The following WDR27 variants were observed in gnomAD, a reference collection of about 807,000 sequenced individuals.
WDR27 encodes the protein WD repeat domain 27, also known as WD repeat-containing protein 27.
A neutral mutation model predicts 114.4 loss-of-function variants in WDR27; 100 were observed. The ratio of observed to expected loss-of-function variants is 0.87; its 90% CI spans 0.74 to 1.03. WDR27 has a LOEUF of 1.03. Ranked by LOEUF, WDR27 falls within the 50% of genes least tolerant of loss-of-function variation. WDR27 has a pLI of 0.00. For missense variants in WDR27, 1,129 were observed against 1,092.9 expected (o/e 1.03, Z -0.47); for synonymous variants, 449 against 423.1 (o/e 1.06, Z -0.75).
At chr6:169,436,117 T>C in the WDR27 span, among the ~76,000 whole-genome samples, 1 of 152,204 alleles carries the variant, frequency 6.6e-6, no homozygotes, top group East Asian at 1.9e-4. Flanking sequence ...ATAAAAGAGC[T>C]CTATCGGGTT....
intron 25 of WDR27, among the ~76,000 whole-genome samples, chr6:169,483,729 A>T (rs1459937629): frequency 6.6e-6 from 1 of 152,028 alleles, no homozygotes; most frequent in Non-Finnish European, 1.5e-5. Flanking sequence ...ACACACACAG[A>T]AAACTTCAGG....
At chr6:169,586,783 T>G (rs1804667236) in intron 23 of WDR27, among the ~76,000 whole-genome samples, 1 of 132,686 alleles carries the variant, frequency 7.5e-6, no homozygotes, top group Non-Finnish European at 1.6e-5. Flanking sequence ...CAGGAGGCAG[T>G]GGTTGCAGTG....
Position 169,458,231 on chromosome 6 carries a change from T to A in WDR27, c.2646-597A>T, listed in dbSNP as rs183838445. ...CACCCTCATGCACACCTTTCAAAAG[T>A]GGTCTCCATAGGGCCTGCAGAACCC... On this transcript the variant is annotated intron_variant, in intron 25 of 25. Transcript: ENST00000448612. Among the ~76,000 whole-genome samples, 26 of 152,282 alleles carry A rather than the reference T, an allele frequency of 1.7e-4. No individual in the cohort carries two copies. The East Asian group carries it at 5.0e-3, about 29-fold the overall frequency.
chr6:169,679,871 G>A (rs900067877), intron 2 of WDR27, among the ~76,000 whole-genome samples: 1 of 152,096 alleles, frequency 6.6e-6, no homozygotes, highest in Non-Finnish European at 1.5e-5. Context: ...CCAAAACATA[G>A]CATGATCAAA....
At chr6:169,604,324 A>C (rs1808668915) in intron 22 of WDR27, among the ~76,000 whole-genome samples, 1 of 152,184 alleles carries the variant, frequency 6.6e-6, no homozygotes, top group Non-Finnish European at 1.5e-5. Flanking sequence ...ATAATGAAAA[A>C]CTACACACTC....
At chr6:169,631,639 C>A (rs1277674101) in intron 21 of WDR27, among the ~76,000 whole-genome samples, 2 of 152,154 alleles carry the variant, frequency 1.3e-5, no homozygotes, top group African/African-American at 4.8e-5. Context: ...GCCATCCAGA[C>A]CGACATGCAG....
the WDR27 span, among the ~76,000 whole-genome samples, chr6:169,434,275 G>A: frequency 2.6e-5 from 4 of 152,156 alleles, no homozygotes; most frequent in East Asian, 1.9e-4. Flanking sequence ...TAAGGTGTAA[G>A]GAAGGGGTTC....
intron 21 of WDR27, among the ~76,000 whole-genome samples, chr6:169,622,744 A>T (rs1254182431): frequency 6.6e-6 from 1 of 152,220 alleles, no homozygotes; most frequent in Non-Finnish European, 1.5e-5. Flanking sequence ...TCGACACGGG[A>T]GAAGCGTCCC....
chr6:169,645,539 C>A lies in WDR27; in HGVS notation c.1658-1753G>T, dbSNP rs370648891. Among the ~76,000 whole-genome samples the A allele has an allele frequency of 2.3e-4, 31 of 136,694 alleles. No individual in the cohort carries two copies. In the South Asian group the frequency reaches 4.3e-3, roughly 19 times the overall value. 89.7% of individuals were successfully genotyped at this position (136,694 alleles called of 152,430 possible). On this transcript the variant is annotated intron_variant, in intron 16 of 25. Coordinates refer to ENST00000448612, the MANE Select transcript of WDR27 (RefSeq NM_182552.5). ...ACACTGTAGAAAATCCTAGTTCATA[C>A]GAGTCACACTGTAGAAATTCCTAGT...
intron 2 of WDR27, among the ~76,000 whole-genome samples, chr6:169,672,671 T>C (rs1779057726): frequency 6.6e-6 from 1 of 152,090 alleles, no homozygotes; most frequent in Non-Finnish European, 1.5e-5. Flanking sequence ...TAATCAAATA[T>C]AGAACATGTC....
At chr6:169,548,494 T>C (rs1238618114) in intron 25 of WDR27, among the ~76,000 whole-genome samples, 1 of 152,216 alleles carries the variant, frequency 6.6e-6, no homozygotes, top group Admixed American at 6.5e-5. Context: ...TTATAAAGTG[T>C]ATACATGTAT....
At chr6:169,450,180 C>T in the WDR27 span, among the ~76,000 whole-genome samples, 4 of 152,142 alleles carry the variant, frequency 2.6e-5, no homozygotes, top group Admixed American at 6.5e-5. Context: ...TCATGGGCAC[C>T]GCTCTGCTCT....
At chr6:169,576,789 GA>G (rs1326349160) in intron 24 of WDR27, among the ~76,000 whole-genome samples, 2 of 148,792 alleles carry the variant, frequency 1.3e-5, no homozygotes, top group Non-Finnish European at 3.0e-5. Context: ...GACAAGAAAA[GA>G]AAAAAAAGGA....
rs371219266 is a variant in WDR27, at chr6:169,651,182, GC to G, written c.1481+747del. Among the ~76,000 whole-genome samples the G allele has an allele frequency of 1.0e-3, 110 of 110,030 alleles. 18 individuals are homozygous for G. The highest frequency in any genetic ancestry group is 2.9e-3 in the Admixed American group (32 of 11,060). 72.2% of individuals were successfully genotyped at this position (110,030 alleles called of 152,430 possible). A position where few individuals can be genotyped will look rare whatever the true frequency, so the allele number is the denominator to read the frequency against. On this transcript the variant is annotated intron_variant, in intron 14 of 25. Transcript: ENST00000448612. Reference sequence around the variant, plus strand: ...TCTGCCTGGAGCACAGCAGTGCGGGGCGGGGGGGGGGAGTGGGGGAGTGGGG... The same window carrying G: ...TCTGCCTGGAGCACAGCAGTGCGGGGGGGGGGGGGGAGTGGGGGAGTGGGG...
At chr6:169,615,283 C>G (rs192932795) in intron 21 of WDR27, among the ~76,000 whole-genome samples, 22 of 152,172 alleles carry the variant, frequency 1.4e-4, no homozygotes, top group Admixed American at 1.2e-3. Flanking sequence ...TATAAGTAAA[C>G]TTGTGGCACA....
chr6:169,486,114 A>G (rs1303648790), intron 25 of WDR27, among the ~76,000 whole-genome samples: 1 of 152,028 alleles, frequency 6.6e-6, no homozygotes, highest in Non-Finnish European at 1.5e-5. Flanking sequence ...TGATATACCT[A>G]TATAATAAAT....
In WDR27 at chr6:169,586,497, C is replaced by T. The variant is rs73790039; in HGVS notation, c.2425-3563G>A. On this transcript the variant is annotated intron_variant, in intron 23 of 25. Transcript: ENST00000448612. Reference sequence around the variant, plus strand: ...ATGTTTGGGGGCAAGACCACTTTGACGCCTTTGGTGTTAAACTCATTGGGT... The same window carrying T: ...ATGTTTGGGGGCAAGACCACTTTGATGCCTTTGGTGTTAAACTCATTGGGT... Among the ~76,000 whole-genome samples, 1,436 of 152,114 alleles carry T rather than the reference C, an allele frequency of 9.4e-3. 22 individuals are homozygous for T. The highest frequency in any genetic ancestry group is 0.032 in the African/African-American group (1,333 of 41,500).
intron 23 of WDR27, among the ~76,000 whole-genome samples, chr6:169,593,792 T>A (rs1806228662): frequency 6.6e-6 from 1 of 152,072 alleles, no homozygotes; most frequent in African/African-American, 2.4e-5. Flanking sequence ...GAGGTTACAG[T>A]GAGCTGAGAT....
rs940476832 is a variant in WDR27 at position 169,684,827 on chromosome 6, C to G, written c.189+3990G>C. On this transcript the variant is annotated intron_variant, in intron 2 of 25. Transcript: ENST00000448612. The surrounding 1 kb of genome is among the most constrained non-coding windows in gnomAD (Gnocchi z 4.3). The stretch of plus-strand genomic sequence containing the variant: ...TGGAGAAACAGCCCCAGGAGCTGCC[C>G]CAGCAGATATGTCCCCACGCTGGCC... Among the ~76,000 whole-genome samples, 5 of 152,186 alleles carry G rather than the reference C, an allele frequency of 3.3e-5. No homozygotes were observed. Among genetic ancestry groups the G allele is most frequent in the Admixed American group, 2.6e-4 (4 of 15,280 alleles).
Sources: allele counts gnomAD v4.1 joint callset (sites outside exome capture counted in the v4.1 genomes callset), GRCh38; gene constraint gnomAD v4.1.1; non-coding constraint Gnocchi (gnomAD v3.1); transcripts MANE v1.5; gene names NCBI Gene and HGNC (gene_info 2026-07-23, HGNC 2026-07-21).